Variants in WDPCP observed in about 807,000 individuals in gnomAD.
WDPCP encodes the protein WD repeat containing planar cell polarity effector, also known as WD repeat-containing and planar cell polarity effector protein fritz homolog.
WDPCP carries 71 observed loss-of-function variants against 93.1 expected under a neutral mutation model. That is an observed-to-expected ratio of 0.76 (90% confidence interval 0.63 to 0.93). The LOEUF (loss-of-function observed/expected upper bound fraction) is 0.93, where lower values mean the gene tolerates loss of function less well. WDPCP is among the 40% of genes least tolerant of loss of function. The pLI, the probability that WDPCP is intolerant of heterozygous loss-of-function variation, is 0.00. For missense variants in WDPCP, 844 were observed against 887.4 expected (o/e 0.95, Z 0.62); for synonymous variants, 315 against 315.0 (o/e 1.00, Z 0.00).
chr2:63,404,538 G>T lies in WDPCP; in HGVS notation c.945C>A (p.Asp315Glu). ...SVSVDKEPMA[D>E]SCIYECIRNK... The stretch of plus-strand genomic sequence containing the variant: ...TCCGAATGCATTCATAGATGCAGCT[G>T]TCAGCCATGGGCTCTTTGTCTACAC... The change falls in exon 10 of 18, where the codon GAC becomes GAA. Residue 315 changes from aspartate to glutamate, a missense_variant. By Grantham distance (45) the Asp-to-Glu change is conservative. Transcript: ENST00000272321. 1 of 1,613,644 alleles carries T rather than the reference G, an allele frequency of 6.2e-7. No individual in the cohort carries two copies. Among genetic ancestry groups the T allele is most frequent in the Non-Finnish European group, 8.5e-7 (1 of 1,179,686 alleles).
intron 13 of WDPCP, among the ~76,000 whole-genome samples, chr2:63,270,385 T>C (rs1219947992): frequency 6.6e-6 from 1 of 152,198 alleles, no homozygotes; most frequent in Non-Finnish European, 1.5e-5. Flanking sequence ...TTGATTACTG[T>C]TTGAATTTTC....
chr2:63,514,489 A>G (rs1702431974), intron 1 of WDPCP, among the ~76,000 whole-genome samples: 2 of 152,158 alleles, frequency 1.3e-5, no homozygotes, highest in Admixed American at 1.3e-4. Flanking sequence ...ACTTTCCATG[A>G]AAGAATATTT....
At chr2:63,386,072 T>G (rs1304366512) in intron 10 of WDPCP, among the ~76,000 whole-genome samples, 1 of 152,032 alleles carries the variant, frequency 6.6e-6, no homozygotes, top group Non-Finnish European at 1.5e-5. Context: ...AAAAATTAAC[T>G]TGAAGTAGAC....
At chr2:63,474,909 T>G (rs1021427755) in intron 6 of WDPCP, among the ~76,000 whole-genome samples, 2 of 152,146 alleles carry the variant, frequency 1.3e-5, no homozygotes, top group Non-Finnish European at 2.9e-5. Context: ...AAATATCAAA[T>G]GGTGAATAGT....
intron 2 of WDPCP, among the ~76,000 whole-genome samples, chr2:63,777,312 C>T (rs1670318961): frequency 6.6e-6 from 1 of 152,046 alleles, no homozygotes; most frequent in Non-Finnish European, 1.5e-5. Context: ...ACTGAAGATG[C>T]CAACAATTGG....
At chr2:63,528,907 T>G (rs1381916667) in intron 1 of WDPCP, among the ~76,000 whole-genome samples, 1 of 152,222 alleles carries the variant, frequency 6.6e-6, no homozygotes, top group Non-Finnish European at 1.5e-5. Flanking sequence ...TGGTTTGTAG[T>G]TCTCCTTGAA....
chr2:63,796,876 G>A (rs1404006636), intron 2 of WDPCP, among the ~76,000 whole-genome samples: 3 of 152,184 alleles, frequency 2.0e-5, no homozygotes, highest in Admixed American at 6.5e-5. Context: ...GTGGCCAAGG[G>A]AGTGTTTGCA....
chr2:63,205,707 T>A (rs1023479793), intron 14 of WDPCP, among the ~76,000 whole-genome samples: 1 of 152,248 alleles, frequency 6.6e-6, no homozygotes, highest in African/African-American at 2.4e-5. Flanking sequence ...ATTTATCAGT[T>A]CTCACAGTTC....
At chr2:63,467,422 G>A (rs1428283694) in intron 6 of WDPCP, among the ~76,000 whole-genome samples, 1 of 151,856 alleles carries the variant, frequency 6.6e-6, no homozygotes, top group Non-Finnish European at 1.5e-5. Flanking sequence ...GGAGGTTGGA[G>A]TGAGCCGAGA....
At chr2:63,517,505 C>T (rs530309601) in intron 1 of WDPCP, among the ~76,000 whole-genome samples, 72 of 152,228 alleles carry the variant, frequency 4.7e-4, no homozygotes, top group African/African-American at 1.5e-3. Flanking sequence ...AGTTTTCAAA[C>T]ATTTTTTCTA....
chr2:63,244,587 C>T (rs1245115468), intron 14 of WDPCP, among the ~76,000 whole-genome samples: 1 of 152,118 alleles, frequency 6.6e-6, no homozygotes, highest in Non-Finnish European at 1.5e-5. Context: ...ACGATGAACA[C>T]CTCTATGCAC....
chr2:63,550,234 CA>C (rs1558793408), intron 1 of WDPCP, among the ~76,000 whole-genome samples: 1,411 of 18,444 alleles, frequency 0.077, 33 homozygotes, highest in African/African-American at 0.2. Flanking sequence ...CACACACACA[CA>C]CACACCCTTC....
intron 2 of WDPCP, among the ~76,000 whole-genome samples, chr2:63,757,652 T>C (rs1337277248): frequency 6.6e-6 from 1 of 152,206 alleles, no homozygotes; most frequent in Non-Finnish European, 1.5e-5. Context: ...AATATTCTAG[T>C]TCTTCTGGGG....
At chr2:63,706,600 CTTTT>C (rs896018299) in intron 2 of WDPCP, among the ~76,000 whole-genome samples, 1 of 61,700 alleles carries the variant, frequency 1.6e-5, no homozygotes, top group South Asian at 5.2e-4. Flanking sequence ...AAATTCTTTT[CTTTT>C]TTTTTTTTTT....
intron 6 of WDPCP, among the ~76,000 whole-genome samples, chr2:63,451,773 T>G (rs1002035132): frequency 7.9e-5 from 12 of 152,204 alleles, no homozygotes; most frequent in Non-Finnish European, 1.6e-4. Context: ...ATCCCTGGGA[T>G]GCAAGGCTGG....
chr2:63,519,669 C>T (rs1487174601), intron 1 of WDPCP, among the ~76,000 whole-genome samples: 1 of 152,022 alleles, frequency 6.6e-6, no homozygotes, highest in Non-Finnish European at 1.5e-5. Context: ...CAGAAGTCAA[C>T]TGAACCCACC....
chr2:63,717,231 A>G (rs1462166685), intron 2 of WDPCP: 5 of 515,554 alleles, frequency 9.7e-6, no homozygotes, highest in Non-Finnish European at 1.5e-5. Context: ...TGAAAGACAT[A>G]TTGGCTGACC....
chr2:63,310,321 T>C (rs1686086111), intron 13 of WDPCP, among the ~76,000 whole-genome samples: 1 of 152,078 alleles, frequency 6.6e-6, no homozygotes, highest in African/African-American at 2.4e-5. Flanking sequence ...ATAAGAAAAT[T>C]ACTATGAGGT....
intron 14 of WDPCP, among the ~76,000 whole-genome samples, chr2:63,191,440 G>C (rs17408988): frequency 0.31 from 47,868 of 152,052 alleles, 9,308 homozygotes; most frequent in Non-Finnish European, 0.43. Flanking sequence ...CTTTCATTCT[G>C]TTTTGTGCAA....
Sources: gnomAD v4.1 joint callset for allele counts (sites outside exome capture counted in the v4.1 genomes callset) on GRCh38, gnomAD v4.1.1 for gene constraint, MANE v1.5 for transcripts, NCBI Gene and HGNC (gene_info 2026-07-23, HGNC 2026-07-21) for gene names.